The following CUZD1 variants were observed in gnomAD, a reference collection of about 807,000 sequenced individuals.
CUZD1 encodes CUB and zona pellucida like domains 1, also known as CUB and zona pellucida-like domain-containing protein 1.
CUZD1 carries 42 observed loss-of-function variants against 53.1 expected under a neutral mutation model. The ratio of observed to expected loss-of-function variants is 0.79; its 90% confidence interval spans 0.62 to 1.02. CUZD1 has a LOEUF of 1.02. CUZD1 is among the 50% of genes least tolerant of loss of function. The pLI, the probability that CUZD1 is intolerant of heterozygous loss-of-function variation, is 0.00. For synonymous variants in CUZD1, 238 were observed against 257.2 expected (o/e 0.93, Z 0.71); for missense variants, 670 against 715.7 (o/e 0.94, Z 0.73).
intron 2 of CUZD1, 140 bp downstream of exon 2, chr10:122,841,038 C>A: frequency 2.6e-6 from 2 of 783,954 alleles, no homozygotes; most frequent in South Asian, 3.9e-5. Context: ...TCATCCTCAT[C>A]ACCATCATCA....
chr10:122,836,066 C>T, intron 6 of CUZD1, 112 bp downstream of exon 6: 1 of 919,978 alleles, frequency 1.1e-6, no homozygotes, highest in Non-Finnish European at 1.6e-6. Context: ...GTGGTTAAGC[C>T]ACTAAAATTT....
rs1430438147 is a variant in CUZD1 at position 122,836,189 on chromosome 10, T to C, written c.979A>G (p.Thr327Ala). The change falls in exon 6 of 9, where the codon ACA becomes GCA. Residue 327 changes from threonine (T) to alanine (A), a missense_variant. Thr to Ala is a moderately conservative substitution (Grantham distance 58). Coordinates refer to ENST00000392790, the MANE Select transcript of CUZD1 (RefSeq NM_022034.6). ...GTATTTCACTTTACCTTTCTGATTG[T>C]ACCACATCCATTAAGAGGGACAGAA... The part of the protein sequence containing the change: ...EFSVPLNGCG[T>A]IRKVEDQSIT... 3 of 1,604,176 alleles carry C rather than the reference T, an allele frequency of 1.9e-6. No individual in the cohort carries two copies. Among genetic ancestry groups the C allele is most frequent in the Non-Finnish European group, 2.5e-6 (3 of 1,177,092 alleles).
Position 122,832,498 on chromosome 10 carries a change from T to C in CUZD1, c.1652-48A>G, listed in dbSNP as rs539803177. 174 of 1,571,002 alleles carry C rather than the reference T, an allele frequency of 1.1e-4. 2 individuals carry two copies. In the South Asian group the frequency reaches 2.0e-3, roughly 18 times the overall value. ...AATCACTTTTTAAGAAGTGTTCACA[T>C]TATAAAATGTTGGTAGCTTTTATAA... On this transcript the variant is annotated intron_variant, in intron 8 of 8. Coordinates refer to ENST00000392790, the MANE Select transcript of CUZD1 (RefSeq NM_022034.6).
At position 122,833,891 on chromosome 10, in the gene CUZD1, C is replaced by T. The variant is rs1173115094; in HGVS notation, c.1432G>A (p.Gly478Arg). The T allele has an allele frequency of 1.2e-6, 2 of 1,613,666 alleles. No homozygotes were observed. Among genetic ancestry groups the T allele is most frequent in the Non-Finnish European group, 1.7e-6 (2 of 1,179,732 alleles). Residue 478 changes from glycine to arginine, a missense_variant, in exon 8 of 9, where the codon GGG becomes AGG. Gly to Arg is a moderately radical substitution (Grantham distance 125). Transcript: ENST00000392790. The part of the protein sequence containing the change: ...CKVYPLFGHY[G>R]RFQFNAFKFL... ...TTAAAGGCATTAAACTGGAATCTCC[C>T]ATAGTGTCCAAATAAGGGATACACC...
At chr10:122,834,006 G>C (rs1847203730) in intron 7 of CUZD1, 66 bp from the exon 8 acceptor site, 5 of 1,457,732 alleles carry the variant, frequency 3.4e-6, no homozygotes, top group South Asian at 1.3e-5. Context: ...ATACTAAAAA[G>C]TTTTCTCTCA....
In CUZD1 at chr10:122,832,353, A is replaced by G. The variant is rs1201037910; in HGVS notation, c.1749T>C (p.Thr583=). 1 of 1,614,128 alleles carries G rather than the reference A, an allele frequency of 6.2e-7. No individual in the cohort carries two copies. The highest frequency in any genetic ancestry group is 1.1e-5 in the South Asian group (1 of 91,086). Residue 583 remains threonine, a synonymous_variant, in exon 9 of 9, where the codon ACT becomes ACC. Coordinates refer to ENST00000392790, the MANE Select transcript of CUZD1 (RefSeq NM_022034.6). The part of the protein sequence containing the change: ...SFMVLALNVV[T]VATITVRHFV... Reference sequence around the variant, plus strand: ...AATGCCTCACTGTGATTGTCGCTACAGTCACCACATTCAGAGCTAGAACCA... The same window carrying G: ...AATGCCTCACTGTGATTGTCGCTACGGTCACCACATTCAGAGCTAGAACCA...
intron 2 of CUZD1, among the ~76,000 whole-genome samples, chr10:122,839,786 G>GATAT (rs1048315174): frequency 6.6e-6 from 1 of 152,162 alleles, no homozygotes; most frequent in Non-Finnish European, 1.5e-5. Context: ...TTCTGACAGG[G>GATAT]TCTCTCCAAA....
At chr10:122,832,557 A>G in intron 8 of CUZD1, 107 bp from the exon 9 acceptor site, 1 of 833,740 alleles carries the variant, frequency 1.2e-6, no homozygotes, top group Non-Finnish European at 1.8e-6. Context: ...TTATATATGA[A>G]TTAATGTATA....
At chr10:122,837,099 T>C in intron 4 of CUZD1, 51 bp from the exon 5 acceptor site, 3 of 1,317,912 alleles carry the variant, frequency 2.3e-6, no homozygotes, top group Non-Finnish European at 3.2e-6. Context: ...AATTCAATTC[T>C]ATTTTCTAAC....
chr10:122,842,346 A>C (rs769657592), intron 1 of CUZD1, among the ~76,000 whole-genome samples: 2 of 152,206 alleles, frequency 1.3e-5, no homozygotes, highest in Admixed American at 6.5e-5. Context: ...TGGGTGTCCA[A>C]TTGTTCCAAG....
Position 122,839,135 on chromosome 10 carries a change from G to C in CUZD1, c.330C>G (p.Asn110Lys). Residue 110 changes from asparagine to lysine, a missense_variant, in exon 3 of 9, where the codon AAC (asparagine) becomes AAG (lysine). Coordinates refer to ENST00000392790, the MANE Select transcript of CUZD1 (RefSeq NM_022034.6). ...ATGATTCAAATACAGGAACATAGTC[G>C]TTTTTACTGCAGACTTGCCCTAGCA... The part of the protein sequence containing the change: ...GPLLGQVCSK[N>K]DYVPVFESSS... 6.2e-7 allele frequency: 1 copy of C among 1,614,120 alleles called. No individual in the cohort carries two copies. Among genetic ancestry groups the C allele is most frequent in the Non-Finnish European group, 8.5e-7 (1 of 1,179,952 alleles).
chr10:122,839,301 C>T (rs1168390782), intron 2 of CUZD1, 70 bp from the exon 3 acceptor site: 2 of 1,323,482 alleles, frequency 1.5e-6, no homozygotes, highest in Non-Finnish European at 2.2e-6. Context: ...CAGTCAATTG[C>T]TCACCTAGGC....
At position 122,833,776 on chromosome 10, in the gene CUZD1, C is replaced by T; in HGVS notation, c.1547G>A (p.Cys516Tyr). 1 of 1,614,004 alleles carries T rather than the reference C, an allele frequency of 6.2e-7. No individual in the cohort carries two copies. The highest frequency in any genetic ancestry group is 1.6e-4 in the Middle Eastern group (1 of 6,062). ...AATGTCTCGTTTGCTTCTGGAGACA[C>T]AACCTTGATTGCAGCGAGACTGGTG... ...SDHQSRCNQG[C>Y]VSRSKRDISS... Residue 516 changes from cysteine to tyrosine, a missense_variant, in exon 8 of 9, where the codon TGT becomes TAT. By Grantham distance (194) the Cys-to-Tyr change is radical. Coordinates refer to ENST00000392790, the MANE Select transcript of CUZD1 (RefSeq NM_022034.6).
rs1847171605 is a variant in CUZD1, at chr10:122,832,167, G to A, written c.*111C>T. ...CACCGACACAGTGACATGCAGGCCT[G>A]TGTGTCACTTTCAGGCCCTTCCTCA... On this transcript the variant is annotated 3_prime_UTR_variant, in exon 9 of 9. Transcript: ENST00000392790. 13 of 1,014,842 alleles carry A rather than the reference G, an allele frequency of 1.3e-5. No homozygotes were observed. In the Middle Eastern group the frequency reaches 1.9e-3, roughly 148 times the overall value. The allele number at this position is 1,014,842 out of a possible 1,614,324, so 62.9% of individuals were successfully genotyped here. A position where few individuals can be genotyped will look rare whatever the true frequency, so the allele number is the denominator to read the frequency against.
At position 122,841,115 on chromosome 10, in the gene CUZD1, C is replaced by G. The variant is rs192609488; in HGVS notation, c.233+63G>C. On this transcript the variant is annotated intron_variant, in intron 2 of 8. Transcript: ENST00000392790. ...TGAATTCTTTCTACAGAGAGTCCCC[C>G]TACCCACCCCAATGTGGTCAGAGTT... The G allele has an allele frequency of 8.3e-3, 12,329 of 1,489,314 alleles. 74 individuals carry two copies. Among genetic ancestry groups the G allele is most frequent in the Non-Finnish European group, 1.0e-2 (10,927 of 1,096,780 alleles). 92.3% of individuals were successfully genotyped at this position (1,489,314 alleles called of 1,614,324 possible). A position where few individuals can be genotyped will look rare whatever the true frequency, so the allele number is the denominator to read the frequency against.
chr10:122,841,952 T>A (rs1044243223), intron 1 of CUZD1, among the ~76,000 whole-genome samples: 1 of 152,216 alleles, frequency 6.6e-6, no homozygotes, highest in Non-Finnish European at 1.5e-5. Flanking sequence ...TTTGCCCTTT[T>A]TTTTTTAACT....
In CUZD1 at chr10:122,836,872, G is replaced by T; in HGVS notation, c.776C>A (p.Ser259Tyr). The change falls in exon 5 of 9, where the codon TCT (serine) becomes TAT (tyrosine). Residue 259 changes from serine (S) to tyrosine (Y), a missense_variant. Transcript: ENST00000392790. ...TGCATAAATTGAGGTGTAGGAAGCAGAAAATCCCCGGTAAGAATTGGCATA... is the reference window on the plus strand; with the variant it reads ...TGCATAAATTGAGGTGTAGGAAGCATAAAATCCCCGGTAAGAATTGGCATA... ...TDYANSYRGF[S>Y]ASYTSIYAEN... The T allele has an allele frequency of 6.2e-7, 1 of 1,614,032 alleles. No homozygotes were observed. The highest frequency in any genetic ancestry group is 2.2e-5 in the East Asian group (1 of 44,888).
At chr10:122,843,833 G>A (rs953398436) in intron 1 of CUZD1, among the ~76,000 whole-genome samples, 24 of 128,826 alleles carry the variant, frequency 1.9e-4, no homozygotes, top group South Asian at 1.4e-3. Context: ...ATATATATAT[G>A]TCCACACAGA....
intron 1 of CUZD1, among the ~76,000 whole-genome samples, chr10:122,843,038 G>T (rs1454012616): frequency 5.3e-5 from 8 of 152,152 alleles, no homozygotes; most frequent in Non-Finnish European, 1.2e-4. Flanking sequence ...CAGCTGCCAT[G>T]GAAAACAGTC....
Sources: allele counts gnomAD v4.1 joint callset (sites outside exome capture counted in the v4.1 genomes callset), GRCh38; gene constraint gnomAD v4.1.1; transcripts MANE v1.5; gene names NCBI Gene and HGNC (gene_info 2026-07-23, HGNC 2026-07-21).